PTPRM: variants seen among roughly 807,000 people sequenced by gnomAD.
The protein encoded by PTPRM is protein tyrosine phosphatase receptor type M, also known as receptor-type tyrosine-protein phosphatase mu.
A neutral mutation model predicts 186.7 loss-of-function variants in PTPRM; 47 were observed. That is an observed-to-expected ratio of 0.25 (90% confidence interval 0.20 to 0.32). The LOEUF is 0.32. Among genes scored for constraint, PTPRM ranks in the 10% least tolerant of loss-of-function variants. The probability of loss-of-function intolerance (pLI) is 1.00; values close to 1 mark genes in which losing one functional copy is unlikely to be tolerated. For missense variants in PTPRM, 1,494 were observed against 1,865.0 expected, an observed-to-expected ratio of 0.80 and a Z score of 3.66; for synonymous variants, 668 against 674.9, an observed-to-expected ratio of 0.99 and a Z score of 0.16.
At chr18:7,860,082 T>C (rs564808181) in intron 2 of PTPRM, among the ~76,000 whole-genome samples, 1 of 152,034 alleles carries the variant, frequency 6.6e-6, no homozygotes, top group Non-Finnish European at 1.5e-5. Context: ...TTATTTTATT[T>C]TTTTTTTTGA....
In PTPRM at chr18:7,786,505, T is replaced by TA. The variant is rs549597051; in HGVS notation, c.196+12240dup. Among the ~76,000 whole-genome samples, 25 of 152,324 alleles carry TA rather than the reference T, an allele frequency of 1.6e-4. No individual in the cohort carries two copies. The East Asian group carries it at 4.6e-3, about 28-fold the overall frequency. ...TATTCTGTTACCCATAGAAAATGCA[T>TA]AAAAAATTGAAATCCTTGGCATAAA... is the stretch of plus-strand genomic sequence containing the variant. On this transcript the variant is annotated intron_variant, in intron 2 of 32. Transcript: ENST00000580170.
intron 14 of PTPRM, among the ~76,000 whole-genome samples, chr18:8,201,442 C>T (rs2093855380): frequency 6.6e-6 from 1 of 152,146 alleles, no homozygotes; most frequent in Non-Finnish European, 1.5e-5. Context: ...GTACTTGTGT[C>T]CTTTTAAAAA....
At chr18:7,935,087 A>G (rs1300791253) in intron 5 of PTPRM, among the ~76,000 whole-genome samples, 1 of 152,212 alleles carries the variant, frequency 6.6e-6, no homozygotes, top group Non-Finnish European at 1.5e-5. Context: ...ATTATGTATA[A>G]AAGCCACAAA....
At chr18:7,660,946 A>G (rs532629151) in intron 1 of PTPRM, among the ~76,000 whole-genome samples, 67 of 152,082 alleles carry the variant, frequency 4.4e-4, no homozygotes, top group African/African-American at 1.6e-3. Context: ...ACTCCAGCCT[A>G]GGTGACAGAG....
At chr18:8,132,065 A>G (rs2092524067) in intron 13 of PTPRM, among the ~76,000 whole-genome samples, 2 of 152,254 alleles carry the variant, frequency 1.3e-5, no homozygotes. Flanking sequence ...ATTATTAATT[A>G]TAACATAGTT....
chr18:7,688,613 G>C (rs1464874505), intron 1 of PTPRM, among the ~76,000 whole-genome samples: 2 of 152,188 alleles, frequency 1.3e-5, no homozygotes, highest in Non-Finnish European at 2.9e-5. Context: ...GAGAAGAGTT[G>C]TGGAAGAAGA....
intron 6 of PTPRM, among the ~76,000 whole-genome samples, chr18:7,953,821 A>G (rs185433088): frequency 6.6e-6 from 1 of 152,306 alleles, no homozygotes; most frequent in Admixed American, 6.5e-5. Context: ...TATGTCTGCC[A>G]TGCAAGAGGA....
chr18:7,628,763 C>A (rs972386122), intron 1 of PTPRM, among the ~76,000 whole-genome samples: 10 of 152,124 alleles, frequency 6.6e-5, no homozygotes, highest in African/African-American at 2.4e-4. Flanking sequence ...CAAAATAGAC[C>A]CAAAATGCTG....
At chr18:7,658,894 T>A (rs2038915828) in intron 1 of PTPRM, among the ~76,000 whole-genome samples, 1 of 152,166 alleles carries the variant, frequency 6.6e-6, no homozygotes, top group Non-Finnish European at 1.5e-5. Context: ...CTTGTTATCT[T>A]TGCTTTAGTC....
At chr18:7,817,975 C>A (rs1240473458) in intron 2 of PTPRM, among the ~76,000 whole-genome samples, 2 of 152,200 alleles carry the variant, frequency 1.3e-5, no homozygotes, top group African/African-American at 4.8e-5. Context: ...GCAGATGGTA[C>A]ACAGGGAAGG....
chr18:8,301,449 C>T (rs962427287), intron 20 of PTPRM, among the ~76,000 whole-genome samples: 5 of 152,174 alleles, frequency 3.3e-5, no homozygotes, highest in Admixed American at 3.3e-4. Flanking sequence ...TCCCTGCTAA[C>T]GAGGCAGCCC....
intron 2 of PTPRM, among the ~76,000 whole-genome samples, chr18:7,874,273 T>A (rs927401633): frequency 5.3e-5 from 8 of 152,182 alleles, no homozygotes; most frequent in Non-Finnish European, 1.2e-4. Flanking sequence ...AATCTATTTT[T>A]TGACATTTTA....
chr18:7,706,262 G>A (rs984011632), intron 1 of PTPRM, among the ~76,000 whole-genome samples: 1 of 151,842 alleles, frequency 6.6e-6, no homozygotes, highest in African/African-American at 2.4e-5. Context: ...GATGGGGTCA[G>A]TTTTTAATTC....
intron 2 of PTPRM, among the ~76,000 whole-genome samples, chr18:7,853,400 G>A (rs1284747108): frequency 2.0e-5 from 3 of 152,162 alleles, no homozygotes; most frequent in Non-Finnish European, 2.9e-5. Flanking sequence ...CCTCCCTTGG[G>A]AGCTTCAGGT....
At chr18:8,167,536 G>A (rs993677688) in intron 14 of PTPRM, among the ~76,000 whole-genome samples, 4 of 152,220 alleles carry the variant, frequency 2.6e-5, no homozygotes, top group Admixed American at 6.5e-5. Flanking sequence ...TCTGAGAGAA[G>A]CAAATAAGGC....
At chr18:7,876,116 CTGTGTG>C (rs35159405) in intron 2 of PTPRM, among the ~76,000 whole-genome samples, 136 of 149,862 alleles carry the variant, frequency 9.1e-4, no homozygotes, top group African/African-American at 3.3e-3. Context: ...TGATGCATGA[CTGTGTG>C]TGTGTGTGTG....
At chr18:7,710,507 G>A (rs549168445) in intron 1 of PTPRM, among the ~76,000 whole-genome samples, 4 of 152,176 alleles carry the variant, frequency 2.6e-5, no homozygotes, top group Admixed American at 1.3e-4. Context: ...GCCCACTTTC[G>A]CCACTCCTAT....
At chr18:8,273,824 A>G (rs538162054) in intron 19 of PTPRM, among the ~76,000 whole-genome samples, 19 of 152,352 alleles carry the variant, frequency 1.2e-4, no homozygotes, top group African/African-American at 3.8e-4. Flanking sequence ...AGCTCGCCAA[A>G]CAATTCAGAA....
intron 1 of PTPRM, among the ~76,000 whole-genome samples, chr18:7,727,860 G>A (rs2040580279): frequency 1.3e-5 from 2 of 152,164 alleles, no homozygotes; most frequent in Admixed American, 1.3e-4. Flanking sequence ...TGTGTGCCAG[G>A]CACTAGGCCA....
Sources: gnomAD v4.1 joint callset for allele counts (sites outside exome capture counted in the v4.1 genomes callset) on GRCh38, gnomAD v4.1.1 for gene constraint, MANE v1.5 for transcripts, NCBI Gene and HGNC (gene_info 2026-07-23, HGNC 2026-07-21) for gene names.